RPS6KC1: variants seen among roughly 807,000 people sequenced by gnomAD.
The protein encoded by RPS6KC1 is ribosomal protein S6 kinase C1, also known as inactive ribosomal protein S6 kinase delta-1.
In RPS6KC1, 54 loss-of-function variants were observed where a neutral mutation model predicts 103.8. The observed-to-expected ratio is 0.52, with a 90% CI of 0.42 to 0.65. The LOEUF (loss-of-function observed/expected upper bound fraction) is 0.65. Ranked by LOEUF, RPS6KC1 falls within the 30% of genes least tolerant of loss-of-function variation. The pLI, the probability that RPS6KC1 is intolerant of heterozygous loss-of-function variation, is 0.00. For missense variants in RPS6KC1, 1,151 were observed against 1,253.8 expected, an observed-to-expected ratio of 0.92 and a Z score of 1.24; for synonymous variants, 439 against 438.7, an observed-to-expected ratio of 1.00 and a Z score of -0.01.
chr1:213,428,562 C>T, the RPS6KC1 span: 14 of 134,282 alleles, frequency 1.0e-4, no homozygotes, highest in African/African-American at 2.8e-4. Context: ...CTCTCTCGCT[C>T]GCTCTTTATC....
At chr1:213,539,898 G>A in the RPS6KC1 span, among the ~76,000 whole-genome samples, 6,911 of 152,174 alleles carry the variant, frequency 0.045, 513 homozygotes, top group African/African-American at 0.16. Context: ...AGTTATATTT[G>A]CACTATGCAA....
chr1:213,724,269 G>A, the RPS6KC1 span, among the ~76,000 whole-genome samples: 4 of 152,236 alleles, frequency 2.6e-5, no homozygotes, highest in East Asian at 5.8e-4. Context: ...CAGTGGAGAC[G>A]GAGTTTCACT....
At chr1:213,165,728 T>G (rs1276443488) in intron 6 of RPS6KC1, among the ~76,000 whole-genome samples, 1 of 152,104 alleles carries the variant, frequency 6.6e-6, no homozygotes, top group Admixed American at 6.5e-5. Flanking sequence ...CGGCCAGTTT[T>G]ATGTTTTTAG....
chr1:213,241,588 A>G lies in RPS6KC1; in HGVS notation c.2112A>G (p.Glu704=). Reference sequence around the variant, plus strand: ...CTGGTGAATTGGAGTCAACAAGAGAAGCTGCAGCAATGGGACCTACTAAGT... The same window carrying G: ...CTGGTGAATTGGAGTCAACAAGAGAGGCTGCAGCAATGGGACCTACTAAGT... ...NLPGELESTR[E]AAAMGPTKFT... is the part of the protein sequence containing the mutation. Residue 704 remains glutamate (E), a synonymous_variant, in exon 11 of 15, where the codon GAA becomes GAG. Transcript: ENST00000366960. 3 of 1,613,976 alleles carry G rather than the reference A, an allele frequency of 1.9e-6. No individual in the cohort carries two copies. The highest frequency in any genetic ancestry group is 2.5e-6 in the Non-Finnish European group (3 of 1,179,926).
chr1:213,598,510 G>A, the RPS6KC1 span, among the ~76,000 whole-genome samples: 7 of 151,996 alleles, frequency 4.6e-5, no homozygotes, highest in South Asian at 2.1e-4. Flanking sequence ...TGGACTGAAT[G>A]ATCTTCAGAA....
chr1:213,315,887 G>T, the RPS6KC1 span, among the ~76,000 whole-genome samples: 1 of 152,190 alleles, frequency 6.6e-6, no homozygotes, highest in Non-Finnish European at 1.5e-5. Context: ...TGCCCAGCAT[G>T]CATATCATTT....
At chr1:213,304,400 G>T in the RPS6KC1 span, among the ~76,000 whole-genome samples, 7 of 152,024 alleles carry the variant, frequency 4.6e-5, no homozygotes, top group African/African-American at 1.7e-4. Flanking sequence ...AACTTTCAAA[G>T]AAGAAACAAA....
chr1:213,563,262 A>G, the RPS6KC1 span, among the ~76,000 whole-genome samples: 3 of 152,068 alleles, frequency 2.0e-5, no homozygotes, highest in Non-Finnish European at 2.9e-5. Context: ...TCTGATATCA[A>G]TGTGGTGACA....
chr1:213,704,412 A>C, the RPS6KC1 span, among the ~76,000 whole-genome samples: 169 of 148,978 alleles, frequency 1.1e-3, no homozygotes, highest in Non-Finnish European at 1.7e-3. Flanking sequence ...AAAAAAAAAA[A>C]CTCTGATGTA....
the RPS6KC1 span, among the ~76,000 whole-genome samples, chr1:213,502,486 A>G: frequency 6.6e-6 from 1 of 152,216 alleles, no homozygotes; most frequent in African/African-American, 2.4e-5. Flanking sequence ...CACTAAATAT[A>G]AATTAAAACA....
the RPS6KC1 span, among the ~76,000 whole-genome samples, chr1:213,379,048 T>C: frequency 1.3e-5 from 2 of 152,160 alleles, no homozygotes; most frequent in Admixed American, 1.3e-4. Flanking sequence ...TGGGTGGTTG[T>C]TTTCAGATGG....
the RPS6KC1 span, among the ~76,000 whole-genome samples, chr1:213,732,201 T>C: frequency 6.6e-6 from 1 of 152,254 alleles, no homozygotes; most frequent in Non-Finnish European, 1.5e-5. Context: ...GGTACCATTT[T>C]CTGAGCTACC....
the RPS6KC1 span, among the ~76,000 whole-genome samples, chr1:213,424,433 G>A: frequency 6.6e-6 from 1 of 152,252 alleles, no homozygotes; most frequent in Non-Finnish European, 1.5e-5. Context: ...TAACTTAGAA[G>A]CGTTTCGAGA....
At chr1:213,531,107 T>C in the RPS6KC1 span, among the ~76,000 whole-genome samples, 1 of 152,196 alleles carries the variant, frequency 6.6e-6, no homozygotes, top group Non-Finnish European at 1.5e-5. Flanking sequence ...CAAGCCATTA[T>C]TGGAATGAGG....
intron 4 of RPS6KC1, among the ~76,000 whole-genome samples, chr1:213,107,604 T>C (rs1378287856): frequency 6.6e-6 from 1 of 152,258 alleles, no homozygotes; most frequent in Non-Finnish European, 1.5e-5. Context: ...TGACTAATGC[T>C]GCTGTGAATA....
the RPS6KC1 span, among the ~76,000 whole-genome samples, chr1:213,287,776 G>A: frequency 2.0e-5 from 3 of 152,160 alleles, no homozygotes; most frequent in African/African-American, 7.2e-5. Flanking sequence ...TAAGAGGGCT[G>A]GCTGGCTGCT....
chr1:213,697,434 C>T, the RPS6KC1 span, among the ~76,000 whole-genome samples: 1 of 152,230 alleles, frequency 6.6e-6, no homozygotes, highest in African/African-American at 2.4e-5. Flanking sequence ...AACAACCGTG[C>T]TTTGGAGTGG....
At chr1:213,779,924 G>C in the RPS6KC1 span, among the ~76,000 whole-genome samples, 3 of 152,284 alleles carry the variant, frequency 2.0e-5, no homozygotes, top group African/African-American at 7.2e-5. Context: ...GACTCTCCCT[G>C]TGTCCTATGA....
chr1:213,449,314 G>A, the RPS6KC1 span, among the ~76,000 whole-genome samples: 1 of 152,282 alleles, frequency 6.6e-6, no homozygotes, highest in East Asian at 1.9e-4. Flanking sequence ...CTGCCACAGC[G>A]AAAGACCACA....
Sources: allele counts gnomAD v4.1 joint callset (sites outside exome capture counted in the v4.1 genomes callset), GRCh38; gene constraint gnomAD v4.1.1; transcripts MANE v1.5; gene names NCBI Gene and HGNC (gene_info 2026-07-23, HGNC 2026-07-21).